BMERB1: variants seen among roughly 807,000 people sequenced by gnomAD.
The protein encoded by BMERB1 is bMERB domain-containing protein 1.
A neutral mutation model predicts 23.6 loss-of-function variants in BMERB1; 12 were observed. The ratio of observed to expected loss-of-function variants is 0.51; its 90% CI spans 0.33 to 0.82. BMERB1 has a LOEUF of 0.82. BMERB1 is among the 40% of genes least tolerant of loss of function. The pLI is 0.03. For missense variants in BMERB1, 247 were observed against 255.4 expected (o/e 0.97, Z 0.22); for synonymous variants, 122 against 96.6 (o/e 1.26, Z -1.54).
At chr16:15,474,640 A>G (rs560629118) in intron 1 of BMERB1, among the ~76,000 whole-genome samples, 1 of 152,072 alleles carries the variant, frequency 6.6e-6, no homozygotes, top group South Asian at 2.1e-4. Flanking sequence ...TCAGCCTCCT[A>G]AAGCACTGGG....
chr16:15,461,936 AAACAACAAC>A (rs201579006), intron 1 of BMERB1, among the ~76,000 whole-genome samples: 50 of 151,794 alleles, frequency 3.3e-4, no homozygotes, highest in Admixed American at 1.3e-4. Context: ...TGTTTCACCA[AAACAACAAC>A]AACAACAACA....
intron 3 of BMERB1, among the ~76,000 whole-genome samples, chr16:15,580,574 G>A (rs1596404354): frequency 2.0e-5 from 3 of 146,382 alleles, no homozygotes. Flanking sequence ...TTGAGACAGA[G>A]TCTCGCTCTA....
At chr16:15,496,158 G>A (rs772157688) in intron 1 of BMERB1, among the ~76,000 whole-genome samples, 1 of 151,662 alleles carries the variant, frequency 6.6e-6, no homozygotes, top group Non-Finnish European at 1.5e-5. Flanking sequence ...TGACAGTGAT[G>A]TGCTAGTGAT....
intron 1 of BMERB1, among the ~76,000 whole-genome samples, chr16:15,461,159 G>A (rs527786019): frequency 6.6e-6 from 1 of 151,970 alleles, no homozygotes; most frequent in South Asian, 2.1e-4. Flanking sequence ...CGCATCAGGG[G>A]CTTTGAGCCT....
rs758248263 is a variant in BMERB1, at chr16:15,467,933, A to G, written c.106+33174A>G. Among the ~76,000 whole-genome samples the G allele has an allele frequency of 9.9e-5, 15 of 152,254 alleles. 1 individual carries two copies. The highest frequency in any genetic ancestry group is 3.4e-4 in the African/African-American group (14 of 41,546). On this transcript the variant is annotated intron_variant, in intron 1 of 5. Coordinates refer to ENST00000300006, the MANE Select transcript of BMERB1 (RefSeq NM_033201.3). Reference sequence around the variant, plus strand: ...GGATTCAAAGATTTTCTGACTGGCAATTGATTGAAGGAGTTAAGTTATTGT... The same window carrying G: ...GGATTCAAAGATTTTCTGACTGGCAGTTGATTGAAGGAGTTAAGTTATTGT...
intron 1 of BMERB1, among the ~76,000 whole-genome samples, chr16:15,487,715 C>T (rs182046342): frequency 4.6e-5 from 7 of 152,272 alleles, no homozygotes; most frequent in Admixed American, 1.3e-4. Flanking sequence ...AAACAAGGGG[C>T]GAATTATTCA....
In BMERB1 at chr16:15,581,344, C is replaced by T. The variant is rs751708436; in HGVS notation, c.419+13C>T. 4.1e-5 allele frequency: 66 copies of T among 1,603,114 alleles called. No individual in the cohort carries two copies. Among genetic ancestry groups the T allele is most frequent in the East Asian group, 6.7e-5 (3 of 44,746 alleles). On this transcript the variant is annotated intron_variant, in intron 4 of 5. Transcript: ENST00000300006. The stretch of plus-strand genomic sequence containing the variant: ...TCGAGCGGTTAAGGTGAGTGCACTG[C>T]GGGTACCCGATCACTGGGCTGCAGG...
chr16:15,581,102 T>G, intron 3 of BMERB1, 115 bp from the exon 4 acceptor site: 5 of 668,718 alleles, frequency 7.5e-6, no homozygotes, highest in Non-Finnish European at 1.2e-5. Context: ...TTGGTAGAGA[T>G]GGGGTTGTTT....
At chr16:15,575,072 C>T (rs745347978) in intron 3 of BMERB1, among the ~76,000 whole-genome samples, 1 of 152,086 alleles carries the variant, frequency 6.6e-6, no homozygotes, top group African/African-American at 2.4e-5. Flanking sequence ...AAGCAAGACT[C>T]TGCCTCAAAT....
Position 15,581,270 on chromosome 16 carries a change from A to AT in BMERB1, c.359dup (p.His121ProfsTer30). 1.9e-6 allele frequency: 3 copies of AT among 1,614,098 alleles called. No individual in the cohort carries two copies. The highest frequency in any genetic ancestry group is 2.5e-6 in the Non-Finnish European group (3 of 1,179,996). ...GAGAGAGGATGAGCTAATCCAGAAG[A>AT]TCCACAAACTGGTGCAGAAGAGAGA... On this transcript the variant is annotated frameshift_variant, in exon 4 of 6. Coordinates refer to ENST00000300006, the MANE Select transcript of BMERB1 (RefSeq NM_033201.3). LOFTEE classifies it high-confidence loss of function.
At chr16:15,555,639 A>G (rs2030232407) in intron 2 of BMERB1, among the ~76,000 whole-genome samples, 1 of 152,066 alleles carries the variant, frequency 6.6e-6, no homozygotes, top group South Asian at 2.1e-4. Flanking sequence ...CCACAGAGAG[A>G]AAACAGACAT....
At chr16:15,568,179 A>G (rs2030630420) in intron 3 of BMERB1, 123 bp downstream of exon 3, 2 of 746,590 alleles carry the variant, frequency 2.7e-6, no homozygotes, top group Non-Finnish European at 4.4e-6. Flanking sequence ...CCCTGACTGC[A>G]TGTGTCAAAC....
chr16:15,463,712 G>T (rs1238618816), intron 1 of BMERB1, among the ~76,000 whole-genome samples: 1 of 151,962 alleles, frequency 6.6e-6, no homozygotes, highest in African/African-American at 2.4e-5. Flanking sequence ...CATATTCAAG[G>T]AACCCTCCCC....
intron 1 of BMERB1, among the ~76,000 whole-genome samples, chr16:15,483,154 C>T (rs1382756114): frequency 1.3e-5 from 2 of 152,168 alleles, no homozygotes; most frequent in African/African-American, 4.8e-5. Context: ...ACATATTCTT[C>T]AATAACTTAA....
chr16:15,534,326 G>T (rs2052003806), intron 2 of BMERB1, among the ~76,000 whole-genome samples: 1 of 147,238 alleles, frequency 6.8e-6, no homozygotes, highest in Non-Finnish European at 1.5e-5. Context: ...GAAAAGGCCA[G>T]GCGCGGTGGC....
At chr16:15,583,931 T>A (rs2031078101) in intron 5 of BMERB1, 1 of 688,536 alleles carries the variant, frequency 1.5e-6, no homozygotes, top group Non-Finnish European at 2.6e-6. Context: ...TGTTCCTCCC[T>A]AATTGCAAAG....
chr16:15,447,766 A>G (rs1343615645), intron 1 of BMERB1, among the ~76,000 whole-genome samples: 2 of 152,178 alleles, frequency 1.3e-5, no homozygotes, highest in South Asian at 2.1e-4. Flanking sequence ...GCTTCGCTGC[A>G]TTGGAGGAGT....
At chr16:15,478,763 T>C (rs1567461993) in intron 1 of BMERB1, among the ~76,000 whole-genome samples, 1 of 152,206 alleles carries the variant, frequency 6.6e-6, no homozygotes, top group Non-Finnish European at 1.5e-5. Flanking sequence ...TTCATGGCCA[T>C]GTATTCACAG....
chr16:15,436,002 G>A (rs1013978207), intron 1 of BMERB1, among the ~76,000 whole-genome samples: 5 of 151,674 alleles, frequency 3.3e-5, no homozygotes, highest in African/African-American at 1.2e-4. Context: ...TGGTGCTTTG[G>A]CATAATATCA....
Sources: allele counts gnomAD v4.1 joint callset (sites outside exome capture counted in the v4.1 genomes callset), GRCh38; gene constraint gnomAD v4.1.1; transcripts MANE v1.5; gene names NCBI Gene and HGNC (gene_info 2026-07-23, HGNC 2026-07-21).